The following CNPY2 variants were observed in gnomAD, a reference collection of about 807,000 sequenced individuals.
CNPY2 encodes the protein canopy FGF signaling regulator 2.
CNPY2 carries 19 observed loss-of-function variants against 25.5 expected under a neutral mutation model. That is an observed-to-expected ratio of 0.74 (90% CI 0.52 to 1.09). The LOEUF (loss-of-function observed/expected upper bound fraction) is 1.09. CNPY2 is among the 50% of genes least tolerant of loss of function. The pLI, the probability that CNPY2 is intolerant of heterozygous loss-of-function variation, is 0.00. For synonymous variants in CNPY2, 82 were observed against 85.0 expected (o/e 0.96, Z 0.19); for missense variants, 214 against 233.6 (o/e 0.92, Z 0.55).
chr12:56,310,845 G>A (rs1421217733), intron 5 of CNPY2, 113 bp downstream of exon 5: 10 of 994,822 alleles, frequency 1.0e-5, no homozygotes, highest in Admixed American at 2.2e-5. Context: ...GGAAATGGAA[G>A]ACAGCTCTTG....
At position 56,311,462 on chromosome 12, in the gene CNPY2, TAGTA is replaced by T. The variant is rs749776957; in HGVS notation, c.205-52_205-49del. ...GTCACTCTCTTCTACCTCTGTACAT[TAGTA>T]ATTTATATCCTTACTTTTCTTTCCA... On this transcript the variant is annotated intron_variant, in intron 3 of 5. Coordinates refer to ENST00000273308, the MANE Select transcript of CNPY2 (RefSeq NM_014255.7). 1.0e-5 allele frequency: 16 copies of T among 1,524,014 alleles called. No homozygotes were observed. In the East Asian group the frequency reaches 3.4e-4, roughly 32 times the overall value. The allele number at this position is 1,524,014 out of a possible 1,614,324, so 94.4% of individuals were successfully genotyped here. A position where few individuals can be genotyped will look rare whatever the true frequency, so the allele number is the denominator to read the frequency against.
chr12:56,311,366 T>G lies in CNPY2; in HGVS notation c.253A>C (p.Ile85Leu), dbSNP rs1202077598. ...EAHLTELLEE[I>L]CDRMKEYGEQ... is the part of the protein sequence containing the mutation. ...CCATACTCCTTCATCCGGTCACATA[T>G]CTCCTCCAGCAGCTCTGTGAGGTGG... The change falls in exon 4 of 6, where the codon ATA (isoleucine) becomes CTA (leucine). Residue 85 changes from isoleucine (I) to leucine (L), a missense_variant. Physicochemically the swap from Ile to Leu is conservative, Grantham distance 5 (BLOSUM62 2). Coordinates refer to ENST00000273308, the MANE Select transcript of CNPY2 (RefSeq NM_014255.7). 15 of 1,613,984 alleles carry G rather than the reference T, an allele frequency of 9.3e-6. No individual in the cohort carries two copies. Among genetic ancestry groups the G allele is most frequent in the African/African-American group, 1.3e-5 (1 of 74,886 alleles).
intron 4 of CNPY2, 44 bp downstream of exon 4, chr12:56,311,167 A>G: frequency 1.2e-6 from 2 of 1,608,226 alleles, no homozygotes; most frequent in Non-Finnish European, 1.7e-6. Context: ...TTCTCCAACA[A>G]CCCCTTAATG....
chr12:56,310,658 G>C, intron 5 of CNPY2, 63 bp from the exon 6 acceptor site: 1 of 1,569,876 alleles, frequency 6.4e-7, no homozygotes, highest in Non-Finnish European at 8.8e-7. Flanking sequence ...CCAGTATCAA[G>C]AAAATTTCCC....
chr12:56,315,067 C>T, intron 2 of CNPY2, 63 bp downstream of exon 2: 1 of 1,601,674 alleles, frequency 6.2e-7, no homozygotes, highest in Non-Finnish European at 8.6e-7. Context: ...TCTCCCAGGC[C>T]TTGGATCTCA....
intron 3 of CNPY2, among the ~76,000 whole-genome samples, chr12:56,314,179 GTTTTTTT>G (rs542783035): frequency 6.7e-6 from 1 of 150,318 alleles, no homozygotes; most frequent in Non-Finnish European, 1.5e-5. Flanking sequence ...CTGGGTTTTG[GTTTTTTT>G]TTGAGACAGG....
chr12:56,310,450 T>A lies in CNPY2; in HGVS notation c.*102A>T, dbSNP rs1224530131. The stretch of plus-strand genomic sequence containing the variant: ...CAGTTTGTACTTTTGGTTTCATATT[T>A]TTTCAGTTAATTTCAGTAAAAACAT... On this transcript the variant is annotated 3_prime_UTR_variant, in exon 6 of 6. Transcript: ENST00000273308. The A allele has an allele frequency of 1.4e-5, 17 of 1,229,046 alleles. No individual in the cohort carries two copies. In the Admixed American group the frequency reaches 3.1e-4, roughly 23 times the overall value. 76.1% of individuals were successfully genotyped at this position (1,229,046 alleles called of 1,614,324 possible).
intron 5 of CNPY2, 64 bp from the exon 6 acceptor site, chr12:56,310,659 A>T: frequency 6.4e-7 from 1 of 1,567,420 alleles, no homozygotes; most frequent in Non-Finnish European, 8.8e-7. Flanking sequence ...CAGTATCAAG[A>T]AAATTTCCCA....
At position 56,309,876 on chromosome 12, in the gene CNPY2, C is replaced by A. The variant is rs966591558; in HGVS notation, c.*676G>T. 21 of 701,626 alleles carry A rather than the reference C, an allele frequency of 3.0e-5. No homozygotes were observed. Among genetic ancestry groups the A allele is most frequent in the Non-Finnish European group, 4.4e-5 (17 of 384,534 alleles). The allele number at this position is 701,626 out of a possible 1,614,324, so 43.5% of individuals were successfully genotyped here. On this transcript the variant is annotated 3_prime_UTR_variant, in exon 6 of 6. Transcript: ENST00000273308. ...AGATACACTTTATTGTTGCCACTGG[C>A]ATCAAATTTAAAAGCTTAGGCTGGC...
chr12:56,312,681 C>T (rs1873757319), intron 3 of CNPY2: 1 of 151,748 alleles, frequency 6.6e-6, no homozygotes, highest in East Asian at 1.9e-4. Flanking sequence ...AAGTGATTCT[C>T]CTGCCTCAGC....
chr12:56,312,222 C>CTTTTT lies in CNPY2; in HGVS notation c.205-813_205-809dup, dbSNP rs56822059. Among the ~76,000 whole-genome samples, 95 of 135,918 alleles carry CTTTTT rather than the reference C, an allele frequency of 7.0e-4. 5 individuals are homozygous for CTTTTT. The highest frequency in any genetic ancestry group is 2.8e-3 in the African/African-American group (92 of 32,758). The allele number at this position is 135,918 out of a possible 152,430, so 89.2% of individuals were successfully genotyped here. On this transcript the variant is annotated intron_variant, in intron 3 of 5. Transcript: ENST00000273308. ...TTTACTTGATAGTTTCAAAGTACTT[C>CTTTTT]TTTTTTTTTTTTTTTTTTTTTTTTT...
intron 3 of CNPY2, chr12:56,314,522 T>C (rs773048861): frequency 5.1e-6 from 6 of 1,169,054 alleles, no homozygotes; most frequent in Non-Finnish European, 6.4e-6. Context: ...TCATTTTTTA[T>C]TTTTAGCTCC....
rs1873677531 is a variant in CNPY2, at chr12:56,310,182, T to C, written c.*370A>G. Reference sequence around the variant, plus strand: ...TGTTCCCCTGCTTCCTCATGGAGGTTCCTCTATTCTCCACAATTAGACTCT... The same window carrying C: ...TGTTCCCCTGCTTCCTCATGGAGGTCCCTCTATTCTCCACAATTAGACTCT... On this transcript the variant is annotated 3_prime_UTR_variant, in exon 6 of 6. Transcript: ENST00000273308. The C allele has an allele frequency of 3.3e-6, 2 of 605,454 alleles. No homozygotes were observed. The highest frequency in any genetic ancestry group is 3.0e-5 in the Admixed American group (1 of 33,606). 37.5% of individuals were successfully genotyped at this position (605,454 alleles called of 1,614,324 possible).
intron 3 of CNPY2, among the ~76,000 whole-genome samples, chr12:56,314,005 G>C (rs183866540): frequency 2.8e-4 from 40 of 144,350 alleles, no homozygotes; most frequent in Middle Eastern, 4.3e-3. Context: ...GGGTTCAAGT[G>C]ATTCTCCTGC....
chr12:56,315,166 C>T lies in CNPY2; in HGVS notation c.52G>A (p.Ala18Thr). 1 of 1,614,098 alleles carries T rather than the reference C, an allele frequency of 6.2e-7. No homozygotes were observed. Among genetic ancestry groups the T allele is most frequent in the Non-Finnish European group, 8.5e-7 (1 of 1,179,980 alleles). The change falls in exon 2 of 6, where the codon GCC becomes ACC. Residue 18 changes from alanine (A) to threonine (T), a missense_variant. Transcript: ENST00000273308. ...AGATCCTGGCTCCTCCGAGCCCAGG[C>T]GGTTCCCAGCAGGGCCCCCAGAAGC... ...ALLLGALLGTAWARRSQDLHC... is the reference protein window; with the variant it reads ...ALLLGALLGTTWARRSQDLHC...
At position 56,310,487 on chromosome 12, in the gene CNPY2, G is replaced by C. The variant is rs1328434694; in HGVS notation, c.*65C>G. On this transcript the variant is annotated 3_prime_UTR_variant, in exon 6 of 6. Coordinates refer to ENST00000273308, the MANE Select transcript of CNPY2 (RefSeq NM_014255.7). ...TTCAGTAAAAACATAATATATAAAAGGCATTGCCACCATTTTCCCCTCCTG... is the reference window on the plus strand; with the variant it reads ...TTCAGTAAAAACATAATATATAAAACGCATTGCCACCATTTTCCCCTCCTG... 28 of 1,469,678 alleles carry C rather than the reference G, an allele frequency of 1.9e-5. No homozygotes were observed. The highest frequency in any genetic ancestry group is 2.5e-5 in the Non-Finnish European group (26 of 1,048,916). 91.0% of individuals were successfully genotyped at this position (1,469,678 alleles called of 1,614,324 possible). A position where few individuals can be genotyped will look rare whatever the true frequency, so the allele number is the denominator to read the frequency against.
rs752138168 is a variant in CNPY2, at chr12:56,311,069, G to A, written c.409-15C>T. 2.5e-6 allele frequency: 4 copies of A among 1,613,104 alleles called. No individual in the cohort carries two copies. Among genetic ancestry groups the A allele is most frequent in the Non-Finnish European group, 3.4e-6 (4 of 1,179,320 alleles). On this transcript the variant is annotated splice_polypyrimidine_tract_variant and intron_variant, in intron 4 of 5. Coordinates refer to ENST00000273308, the MANE Select transcript of CNPY2 (RefSeq NM_014255.7). ...ATGCTCTCACACTGCCAACCCAAGG[G>A]AGAAATGGGTGACACAGGGCAATAA...
rs141635081 is a variant in CNPY2 at position 56,311,248 on chromosome 12, C to T, written c.371G>A (p.Arg124Gln). Residue 124 changes from arginine (R) to glutamine (Q), a missense_variant, in exon 4 of 6, where the codon CGA becomes CAA. Coordinates refer to ENST00000273308, the MANE Select transcript of CNPY2 (RefSeq NM_014255.7). ...GGTGCCGCTAATATCTGAGTCGATT[C>T]GGATGCCTTGTAGGTCCAGTTCACT... is the stretch of plus-strand genomic sequence containing the variant. ...ESSELDLQGI[R>Q]IDSDISGTLK... 62 of 1,614,140 alleles carry T rather than the reference C, an allele frequency of 3.8e-5. No homozygotes were observed. The African/African-American group carries it at 4.1e-4, about 11-fold the overall frequency.
intron 3 of CNPY2, among the ~76,000 whole-genome samples, chr12:56,312,222 CTTTTTTTTTT>C (rs56822059): frequency 7.4e-6 from 1 of 135,926 alleles, no homozygotes; most frequent in African/African-American, 3.1e-5. Context: ...CAAAGTACTT[CTTTTTTTTTT>C]TTTTTTTTTT....
Sources: allele counts gnomAD v4.1 joint callset (sites outside exome capture counted in the v4.1 genomes callset), GRCh38; gene constraint gnomAD v4.1.1; transcripts MANE v1.5; gene names NCBI Gene and HGNC (gene_info 2026-07-23, HGNC 2026-07-21).